Variants in OOEP observed in about 807,000 individuals in gnomAD.
OOEP encodes oocyte expressed protein.
Under a neutral mutation model 13.7 loss-of-function variants are expected in OOEP, and 16 were observed. The observed-to-expected ratio is 1.16, with a 90% CI of 0.79 to 1.77. The LOEUF (loss-of-function observed/expected upper bound fraction) is 1.77. OOEP is among the 40% of genes most tolerant of loss of function. The probability of loss-of-function intolerance (pLI) is 0.00; values close to 1 mark genes in which losing one functional copy is unlikely to be tolerated. For missense variants in OOEP, 195 were observed against 193.1 expected (o/e 1.01, Z -0.06); for synonymous variants, 89 against 77.1 (o/e 1.15, Z -0.81).
chr6:73,378,657 G>A (rs1046607074), intron 2 of OOEP, among the ~76,000 whole-genome samples: 1 of 151,930 alleles, frequency 6.6e-6, no homozygotes, highest in African/African-American at 2.4e-5. Context: ...GAGGTCAGGA[G>A]TTTGAGACCA....
chr6:73,393,311 T>C (rs1769376976), intron 2 of OOEP, among the ~76,000 whole-genome samples: 1 of 152,112 alleles, frequency 6.6e-6, no homozygotes, highest in Non-Finnish European at 1.5e-5. Context: ...AGACTGATGT[T>C]GAACCTTGGG....
In OOEP at chr6:73,368,616, T is replaced by C; in HGVS notation, c.*168A>G. 2 of 562,902 alleles carry C rather than the reference T, an allele frequency of 3.6e-6. No homozygotes were observed. The highest frequency in any genetic ancestry group is 6.3e-6 in the Non-Finnish European group (2 of 317,370). 34.9% of individuals were successfully genotyped at this position (562,902 alleles called of 1,614,324 possible). A position where few individuals can be genotyped will look rare whatever the true frequency, so the allele number is the denominator to read the frequency against. On this transcript the variant is annotated 3_prime_UTR_variant, in exon 3 of 3. Transcript: ENST00000370359. ...CTTAATGCTTTTGGCAAAATAGCCA[T>C]TTCTTTATTAGAATAGTTCAAACTC...
intron 2 of OOEP, among the ~76,000 whole-genome samples, chr6:73,392,206 T>C (rs545932960): frequency 6.6e-6 from 1 of 152,358 alleles, no homozygotes; most frequent in East Asian, 1.9e-4. Flanking sequence ...CTCAGCACGT[T>C]GAATCCAACA....
At chr6:73,369,980 C>A, upstream of OOEP, 1 of 591,446 alleles carries the variant, frequency 1.7e-6, no homozygotes, top group Non-Finnish European at 3.0e-6. Context: ...TTGGACACTT[C>A]CTGCGCTGCT....
intron 2 of OOEP, among the ~76,000 whole-genome samples, chr6:73,385,248 G>A (rs1264942738): frequency 2.0e-5 from 3 of 151,788 alleles, no homozygotes; most frequent in African/African-American, 4.8e-5. Flanking sequence ...TTGGGAGGCC[G>A]AGGCAGGAAA....
At chr6:73,388,642 TC>T (rs1769306256) in intron 2 of OOEP, among the ~76,000 whole-genome samples, 1 of 152,186 alleles carries the variant, frequency 6.6e-6, no homozygotes. Context: ...TGGCATCACC[TC>T]CACTTGGGTT....
chr6:73,391,654 C>G (rs1769349333), intron 2 of OOEP: 1 of 154,236 alleles, frequency 6.5e-6, no homozygotes, highest in South Asian at 2.0e-4. Context: ...CCTAGAGCAT[C>G]AGCATCAACA....
chr6:73,394,500 GAA>G (rs916213197), intron 1 of OOEP: 7 of 550,650 alleles, frequency 1.3e-5, no homozygotes, highest in African/African-American at 7.9e-5. Context: ...TATTTAAAAA[GAA>G]AAAAAAAAGT....
chr6:73,371,774 A>AAT (rs374367084), upstream of OOEP, among the ~76,000 whole-genome samples: 10,405 of 149,768 alleles, frequency 0.069, 852 homozygotes, highest in East Asian at 0.38. Flanking sequence ...AATAAAAATA[A>AAT]AAAAATTTGG....
chr6:73,388,321 T>C (rs1489017724), intron 2 of OOEP, among the ~76,000 whole-genome samples: 2 of 152,232 alleles, frequency 1.3e-5, no homozygotes, highest in Non-Finnish European at 2.9e-5. Flanking sequence ...GGATGTTTAT[T>C]ATAAAATTTA....
At chr6:73,386,432 C>T (rs1403366346) in intron 2 of OOEP, among the ~76,000 whole-genome samples, 2 of 131,312 alleles carry the variant, frequency 1.5e-5, no homozygotes, top group Non-Finnish European at 3.5e-5. Flanking sequence ...CTAAGGAATC[C>T]ACCAAAAAAT....
chr6:73,392,550 CACCTCA>C (rs1769361419), intron 2 of OOEP, among the ~76,000 whole-genome samples: 1 of 151,584 alleles, frequency 6.6e-6, no homozygotes, highest in African/African-American at 2.4e-5. Flanking sequence ...ATGATCTACC[CACCTCA>C]ACCTCCCAAG....
At chr6:73,394,945 G>C (rs1400469524) in exon 1 of OOEP, 3 of 1,614,148 alleles carry the variant, frequency 1.9e-6, no homozygotes, top group Non-Finnish European at 2.5e-6. Flanking sequence ...CTCTACGTGG[G>C]TCGTTGCTAG....
chr6:73,393,328 G>A (rs1769377195), intron 2 of OOEP, among the ~76,000 whole-genome samples: 1 of 152,090 alleles, frequency 6.6e-6, no homozygotes, highest in Admixed American at 6.6e-5. Flanking sequence ...TGGGGCTCAA[G>A]AGATCCTCCG....
chr6:73,369,655 C>T lies in OOEP; in HGVS notation c.138G>A (p.Leu46=), dbSNP rs183505960. 6 of 1,614,036 alleles carry T rather than the reference C, an allele frequency of 3.7e-6. No homozygotes were observed. In the East Asian group the frequency reaches 1.3e-4, roughly 36 times the overall value. The change falls in exon 1 of 3, where the codon CTG becomes CTA. Residue 46 remains leucine (L), a synonymous_variant. Coordinates refer to ENST00000370359, the MANE Select transcript of OOEP (RefSeq NM_001080507.3). ...CTAGGTAGAACACCAAAGGGTCTCTCAGTTCCTGCACCGGAAACCACCAGG... is the reference window on the plus strand; with the variant it reads ...CTAGGTAGAACACCAAAGGGTCTCTTAGTTCCTGCACCGGAAACCACCAGG... ...IRPWWFPVQE[L]RDPLVFYLEA... is the part of the protein sequence containing the mutation.
At chr6:73,390,141 T>G (rs1426187485) in intron 2 of OOEP, among the ~76,000 whole-genome samples, 2 of 151,962 alleles carry the variant, frequency 1.3e-5, no homozygotes, top group East Asian at 3.9e-4. Flanking sequence ...ATCCCGCCAC[T>G]GCACTCCAGC....
intron 2 of OOEP, among the ~76,000 whole-genome samples, chr6:73,392,839 C>G (rs1479914818): frequency 6.6e-6 from 1 of 151,636 alleles, no homozygotes; most frequent in Non-Finnish European, 1.5e-5. Context: ...ACCATGTTGG[C>G]CAGGATGGTC....
chr6:73,387,428 C>T (rs999313235), intron 2 of OOEP, among the ~76,000 whole-genome samples: 1 of 151,890 alleles, frequency 6.6e-6, no homozygotes, highest in African/African-American at 2.4e-5. Flanking sequence ...GCAGGAGAAT[C>T]GCTTGAACAT....
intron 2 of OOEP, among the ~76,000 whole-genome samples, chr6:73,375,710 G>C (rs1171427892): frequency 2.7e-5 from 4 of 150,874 alleles, no homozygotes; most frequent in African/African-American, 9.8e-5. Flanking sequence ...AGCAGGTTGA[G>C]ACAGACACAG....
Sources: allele counts gnomAD v4.1 joint callset (sites outside exome capture counted in the v4.1 genomes callset), GRCh38; gene constraint gnomAD v4.1.1; transcripts MANE v1.5; gene names NCBI Gene and HGNC (gene_info 2026-07-23, HGNC 2026-07-21).